Variants in SZT2 observed in about 807,000 individuals in gnomAD.
SZT2 encodes the protein KICSTOR complex protein SZT2.
Under a neutral mutation model 404.2 loss-of-function variants are expected in SZT2, and 216 were observed. That is an observed-to-expected ratio of 0.53 (90% CI 0.48 to 0.60). The LOEUF (loss-of-function observed/expected upper bound fraction) is 0.60, where lower values mean the gene tolerates loss of function less well. Ranked by LOEUF, SZT2 falls within the 20% of genes least tolerant of loss-of-function variation. SZT2 has a pLI of 0.00. For missense variants in SZT2, 3,857 were observed against 4,459.2 expected, an observed-to-expected ratio of 0.86 and a Z score of 3.85; for synonymous variants, 1,693 against 1,749.9, an observed-to-expected ratio of 0.97 and a Z score of 0.81.
At chr1:43,396,186 G>A (rs1408206377) in intron 1 of SZT2, among the ~76,000 whole-genome samples, 1 of 152,188 alleles carries the variant, frequency 6.6e-6, no homozygotes, top group South Asian at 2.1e-4. Context: ...AAGTAGACCA[G>A]CCAGAATTCA....
rs1255292981 is a variant in SZT2, at chr1:43,441,476, A to T, written c.7512-28A>T. 1.2e-6 allele frequency: 2 copies of T among 1,611,440 alleles called. No individual in the cohort carries two copies. The highest frequency in any genetic ancestry group is 1.7e-5 in the Admixed American group (1 of 59,868). ...AAACATACAAGTGTCATGTATGGAC[A>T]TGAGGCTCTTACTCCCACTGTCTTC... On this transcript the variant is annotated intron_variant, in intron 53 of 71. Coordinates refer to ENST00000634258, the MANE Select transcript of SZT2 (RefSeq NM_001365999.1). The surrounding 1 kb of genome is among the most constrained non-coding windows in gnomAD (Gnocchi z 4.8).
chr1:43,431,809 C>T lies in SZT2; in HGVS notation c.5182C>T (p.His1728Tyr). The T allele has an allele frequency of 3.1e-6, 5 of 1,614,222 alleles. No homozygotes were observed. Among genetic ancestry groups the T allele is most frequent in the Non-Finnish European group, 4.2e-6 (5 of 1,180,040 alleles). The change falls in exon 36 of 72, where the codon CAT becomes TAT. Residue 1728 changes from histidine (H) to tyrosine (Y), a missense_variant. His to Tyr is a moderately conservative substitution (Grantham distance 83). This residue lies in a region of SZT2 where 1,725 missense variants were observed against 1,881.0 expected (regional missense o/e 0.92). Coordinates refer to ENST00000634258, the MANE Select transcript of SZT2 (RefSeq NM_001365999.1). Reference sequence around the variant, plus strand: ...CCTGCACCGCGCAGCTGCCCATATCCATAGTTCTCCTGGACGCTCCACCTG... The same window carrying T: ...CCTGCACCGCGCAGCTGCCCATATCTATAGTTCTCCTGGACGCTCCACCTG... ...PALHRAAAHIHSSPGRSTCLR... is the reference protein window; with the variant it reads ...PALHRAAAHIYSSPGRSTCLR...
intron 4 of SZT2, chr1:43,404,768 T>C (rs1420862345): frequency 4.3e-6 from 2 of 466,662 alleles, no homozygotes; most frequent in Non-Finnish European, 7.5e-6. Flanking sequence ...GGTCAGTTGG[T>C]GTTGATTGGA....
In SZT2 at chr1:43,427,607, C is replaced by T. The variant is rs200926239; in HGVS notation, c.3676C>T (p.Gln1226Ter). 1 of 1,614,250 alleles carries T rather than the reference C, an allele frequency of 6.2e-7. No individual in the cohort carries two copies. Among genetic ancestry groups the T allele is most frequent in the East Asian group, 2.2e-5 (1 of 44,882 alleles). The change falls in exon 26 of 72, where the codon CAG becomes TAG. Residue 1226 changes from glutamine to a stop codon, truncating the protein, a stop_gained. Transcript: ENST00000634258. LOFTEE classifies it high-confidence loss of function. ...GGCTTACGCTGGGCGTCAGGCTTCC[C>T]AGACAGAGAGTGCGGATGGGCCCCG... ...LQAYAGRQAS[Q>*]TESADGPRTR...
chr1:43,448,789 T>C lies in SZT2; in HGVS notation c.10086+61T>C. The C allele has an allele frequency of 6.7e-7, 1 of 1,503,002 alleles. No homozygotes were observed. The highest frequency in any genetic ancestry group is 1.7e-5 in the Admixed American group (1 of 59,862). 93.1% of individuals were successfully genotyped at this position (1,503,002 alleles called of 1,614,324 possible). ...ACAGCAGAAATCCTCACCAAACAGA[T>C]GTGCCCCTCAGCCTGACCAAACAAG... is the stretch of plus-strand genomic sequence containing the variant. On this transcript the variant is annotated intron_variant, in intron 70 of 71. Coordinates refer to ENST00000634258, the MANE Select transcript of SZT2 (RefSeq NM_001365999.1). This position sits in a 1 kb window ranked among gnomAD's most constrained non-coding sequence, Gnocchi z 4.2.
At position 43,422,616 on chromosome 1, in the gene SZT2, G is replaced by A. The variant is rs1239298587; in HGVS notation, c.1906G>A (p.Val636Ile). Residue 636 changes from valine to isoleucine, a missense_variant, in exon 13 of 72, where the codon GTT (valine) becomes ATT (isoleucine). This residue lies in a region of SZT2 where 1,725 missense variants were observed against 1,881.0 expected (regional missense o/e 0.92). Coordinates refer to ENST00000634258, the MANE Select transcript of SZT2 (RefSeq NM_001365999.1). ...CGTACTAGTCGAGGGCTATTCTTAT[G>A]TTAAGCTGCTCTCCAGGTGGGCAAA... is the stretch of plus-strand genomic sequence containing the variant. Reference protein sequence around the residue: ...SFVLVEGYSYVKLLSSAPDQP... With the variant: ...SFVLVEGYSYIKLLSSAPDQP... 1.2e-5 allele frequency: 19 copies of A among 1,595,292 alleles called. No homozygotes were observed. Among genetic ancestry groups the A allele is most frequent in the Non-Finnish European group, 1.4e-5 (17 of 1,178,416 alleles).
In SZT2 at chr1:43,446,359, C is replaced by G. The variant is rs753363399; in HGVS notation, c.9015C>G (p.Val3005=). The change falls in exon 65 of 72, where the codon GTC becomes GTG. Residue 3005 remains valine, a synonymous_variant. Coordinates refer to ENST00000634258, the MANE Select transcript of SZT2 (RefSeq NM_001365999.1). Reference sequence around the variant, plus strand: ...CCCTCCAGGGCTGTTACTTCTGTGTCAAACAGTTTGCCCTGGAATGTTCCC... The same window carrying G: ...CCCTCCAGGGCTGTTACTTCTGTGTGAAACAGTTTGCCCTGGAATGTTCCC... The part of the protein sequence containing the change: ...ELAFQGCYFC[V]KQFALECSRI... The G allele has an allele frequency of 1.9e-6, 3 of 1,614,216 alleles. No homozygotes were observed. In the South Asian group the frequency reaches 3.3e-5, roughly 18 times the overall value.
At chr1:43,393,980 A>T in intron 1 of SZT2, 1 of 566,364 alleles carries the variant, frequency 1.8e-6, no homozygotes, top group Non-Finnish European at 2.2e-6. Flanking sequence ...AGCAAATGAT[A>T]GAATCAGATT....
rs1481389723 is a variant in SZT2 at position 43,426,849 on chromosome 1, A to T, written c.3309+40A>T. 5 of 1,597,122 alleles carry T rather than the reference A, an allele frequency of 3.1e-6. No individual in the cohort carries two copies. The South Asian group carries it at 3.3e-5, about 11-fold the overall frequency. ...TTCTCCCTGAGCCCTTGTCACACTG[A>T]CCTCCTTCCAGCACCACATCTTCAG... is the stretch of plus-strand genomic sequence containing the variant. On this transcript the variant is annotated intron_variant, in intron 23 of 71. Coordinates refer to ENST00000634258, the MANE Select transcript of SZT2 (RefSeq NM_001365999.1). This position sits in a 1 kb window ranked among gnomAD's most constrained non-coding sequence, Gnocchi z 4.9.
At chr1:43,428,793 A>G in intron 28 of SZT2, 1 of 321,682 alleles carries the variant, frequency 3.1e-6, no homozygotes, top group Non-Finnish European at 5.9e-6. Flanking sequence ...CATCCACACA[A>G]TAGTAGGAAT....
chr1:43,413,880 A>G (rs907891781), intron 4 of SZT2, among the ~76,000 whole-genome samples: 1 of 152,234 alleles, frequency 6.6e-6, no homozygotes, highest in Non-Finnish European at 1.5e-5. Flanking sequence ...AATAAGATCT[A>G]GTACTTGATA....
At position 43,424,900 on chromosome 1, in the gene SZT2, C is replaced by A; in HGVS notation, c.2550+38C>A. ...CCCCATGACACCTCCCTGCCAAGGTCTGTCATAATCCCAGGGACACTCACC... is the reference window on the plus strand; with the variant it reads ...CCCCATGACACCTCCCTGCCAAGGTATGTCATAATCCCAGGGACACTCACC... On this transcript the variant is annotated intron_variant, in intron 17 of 71. Coordinates refer to ENST00000634258, the MANE Select transcript of SZT2 (RefSeq NM_001365999.1). This position sits in a 1 kb window ranked among gnomAD's most constrained non-coding sequence, Gnocchi z 4.1. The A allele has an allele frequency of 6.3e-7, 1 of 1,596,846 alleles. No individual in the cohort carries two copies. The highest frequency in any genetic ancestry group is 1.1e-5 in the South Asian group (1 of 90,580).
chr1:43,430,230 C>G (rs1653696544), intron 30 of SZT2, 81 bp from the exon 31 acceptor site: 1 of 1,570,234 alleles, frequency 6.4e-7, no homozygotes, highest in South Asian at 1.1e-5. Flanking sequence ...CTGTCTAAGG[C>G]AAGACAAGTG....
intron 11 of SZT2, 82 bp downstream of exon 11, chr1:43,421,385 T>A (rs1652344285): frequency 1.3e-6 from 2 of 1,540,964 alleles, no homozygotes; most frequent in Non-Finnish European, 1.7e-6. Flanking sequence ...CACCACCTTC[T>A]ATTCCTTTCT....
In SZT2 at chr1:43,451,302, A is replaced by AC; in HGVS notation, c.*823dup. The AC allele has an allele frequency of 6.2e-7, 1 of 1,613,850 alleles. No individual in the cohort carries two copies. Among genetic ancestry groups the AC allele is most frequent in the East Asian group, 2.2e-5 (1 of 44,866 alleles). On this transcript the variant is annotated 3_prime_UTR_variant, in exon 72 of 72. Transcript: ENST00000634258. ...TGAACGTAGCCAACTCAAGCCCTCTACTGTGTCTCCTGCAGGGAGAGGGAG... is the reference window on the plus strand; with the variant it reads ...TGAACGTAGCCAACTCAAGCCCTCTACCTGTGTCTCCTGCAGGGAGAGGGAG...
chr1:43,424,804 T>A lies in SZT2; in HGVS notation c.2492T>A (p.Phe831Tyr). ...TTCAGAGTCCGACTTTCTGAAGGATTCCACTTCGCCTGCAGTGGGGAAGGA... is the reference window on the plus strand; with the variant it reads ...TTCAGAGTCCGACTTTCTGAAGGATACCACTTCGCCTGCAGTGGGGAAGGA... ...ILTEVRLSEG[F>Y]HFACSGEGII... is the part of the protein sequence containing the mutation. The change falls in exon 17 of 72, where the codon TTC becomes TAC. Residue 831 changes from phenylalanine (F) to tyrosine (Y), a missense_variant. By Grantham distance (22) the Phe-to-Tyr change is conservative. Around this residue, in one of 7 missense-constraint regions of SZT2, gnomAD observed 1,725 missense variants for 1,881.0 expected, o/e 0.92. Coordinates refer to ENST00000634258, the MANE Select transcript of SZT2 (RefSeq NM_001365999.1). This position sits in a 1 kb window ranked among gnomAD's most constrained non-coding sequence, Gnocchi z 4.1. 6.2e-7 allele frequency: 1 copy of A among 1,614,068 alleles called. No individual in the cohort carries two copies. Among genetic ancestry groups the A allele is most frequent in the Non-Finnish European group, 8.5e-7 (1 of 1,179,936 alleles).
At chr1:43,422,656 C>CCCCA in intron 13 of SZT2, 24 bp downstream of exon 13, 1 of 1,237,786 alleles carries the variant, frequency 8.1e-7, no homozygotes, top group South Asian at 1.4e-5. Flanking sequence ...TGTCCCTTCA[C>CCCCA]CCCCCGCCCC....
Position 43,453,428 on chromosome 1 carries a change from A to C in SZT2, c.*2948A>C, listed in dbSNP as rs572238649. 2 of 1,562,134 alleles carry C rather than the reference A, an allele frequency of 1.3e-6. No homozygotes were observed. Among genetic ancestry groups the C allele is most frequent in the African/African-American group, 2.7e-5 (2 of 73,484 alleles). ...TTTGGCATACCGCACGGCCTGCTCCAGTCCCTCTCGGAAGGCCGCCTGTCT... is the reference window on the plus strand; with the variant it reads ...TTTGGCATACCGCACGGCCTGCTCCCGTCCCTCTCGGAAGGCCGCCTGTCT... On this transcript the variant is annotated 3_prime_UTR_variant, in exon 72 of 72. Coordinates refer to ENST00000634258, the MANE Select transcript of SZT2 (RefSeq NM_001365999.1).
intron 1 of SZT2, among the ~76,000 whole-genome samples, chr1:43,394,681 C>T (rs1199418560): frequency 6.6e-6 from 1 of 151,954 alleles, no homozygotes; most frequent in Non-Finnish European, 1.5e-5. Flanking sequence ...GAGTTTGAGA[C>T]CAGCCTCACC....
Sources: allele counts gnomAD v4.1 joint callset (sites outside exome capture counted in the v4.1 genomes callset), GRCh38; gene constraint gnomAD v4.1.1; regional missense constraint gnomAD v4.1.1; non-coding constraint Gnocchi (gnomAD v3.1); transcripts MANE v1.5; gene names NCBI Gene and HGNC (gene_info 2026-07-23, HGNC 2026-07-21).